The following RSPH14 variants were observed in gnomAD, a reference collection of about 807,000 sequenced individuals.
The protein encoded by RSPH14 is radial spoke head 14 homolog.
In RSPH14, 20 loss-of-function variants were observed where a neutral mutation model predicts 26.7. That is an observed-to-expected ratio of 0.75 (90% CI 0.53 to 1.09). RSPH14 has a LOEUF of 1.09. Ranked by LOEUF, RSPH14 falls within the 50% of genes least tolerant of loss-of-function variation. RSPH14 has a pLI of 0.00. For synonymous variants in RSPH14, 177 were observed against 189.3 expected (o/e 0.93, Z 0.53); for missense variants, 449 against 457.2 (o/e 0.98, Z 0.16).
intron 3 of RSPH14, chr22:23,137,675 T>G (rs1368073024): frequency 3.7e-6 from 2 of 545,938 alleles, no homozygotes; most frequent in African/African-American, 1.9e-5. Flanking sequence ...CTTTCTTGTC[T>G]TTTCTTCCTT....
At chr22:23,121,600 C>T (rs1482867280) in intron 4 of RSPH14, among the ~76,000 whole-genome samples, 3 of 152,166 alleles carry the variant, frequency 2.0e-5, no homozygotes, top group East Asian at 1.9e-4. Context: ...TGGTTACCAG[C>T]GTCATTGTCA....
At chr22:23,140,663 C>T (rs1352867643) in intron 1 of RSPH14, among the ~76,000 whole-genome samples, 191 bp from the exon 2 acceptor site, 8 of 152,228 alleles carry the variant, frequency 5.3e-5, no homozygotes. Flanking sequence ...GCAGCCCAAA[C>T]TGCAAACTCC....
At chr22:23,130,128 AAAGAAAG>A (rs1472642570) in intron 4 of RSPH14, among the ~76,000 whole-genome samples, 2 of 113,644 alleles carry the variant, frequency 1.8e-5, no homozygotes, top group Admixed American at 9.8e-5. Flanking sequence ...AGAAAGAAAG[AAAGAAAG>A]AAAGAAAGAA....
chr22:23,079,511 C>A (rs2068613219), intron 4 of RSPH14, among the ~76,000 whole-genome samples: 1 of 152,160 alleles, frequency 6.6e-6, no homozygotes, highest in Non-Finnish European at 1.5e-5. Context: ...ATTGCACAGC[C>A]CTGGTGCCCT....
In RSPH14 at chr22:23,067,205, T is replaced by G. The variant is rs11704126; in HGVS notation, c.422-3072A>C. Reference sequence around the variant, plus strand: ...ATGGTGTGGAGCCCCAGTGGTGGAGTCTGGGTCATTTTCTTTGTGGTGGGG... The same window carrying G: ...ATGGTGTGGAGCCCCAGTGGTGGAGGCTGGGTCATTTTCTTTGTGGTGGGG... On this transcript the variant is annotated intron_variant, in intron 4 of 6. Coordinates refer to ENST00000216036, the MANE Select transcript of RSPH14 (RefSeq NM_014433.3). 4.1e-3 allele frequency among the ~76,000 whole-genome samples: 615 copies of G among 151,794 alleles called. 6 individuals carry two copies. Among genetic ancestry groups the G allele is most frequent in the South Asian group, 0.039 (188 of 4,794 alleles).
the RSPH14 span, among the ~76,000 whole-genome samples, chr22:23,178,993 G>A: frequency 6.6e-6 from 1 of 152,174 alleles, no homozygotes; most frequent in African/African-American, 2.4e-5. Flanking sequence ...GGAAAAGGAA[G>A]CAGGATTGGG....
intron 4 of RSPH14, among the ~76,000 whole-genome samples, chr22:23,067,774 T>C (rs879408663): frequency 3.0e-4 from 45 of 152,210 alleles, no homozygotes; most frequent in Non-Finnish European, 5.0e-4. Context: ...CTCATCTCCC[T>C]GGGTCCTGAT....
At position 23,127,785 on chromosome 22, in the gene RSPH14, C is replaced by G. The variant is rs534017120; in HGVS notation, c.421+6241G>C. On this transcript the variant is annotated intron_variant, in intron 4 of 6. Coordinates refer to ENST00000216036, the MANE Select transcript of RSPH14 (RefSeq NM_014433.3). Reference sequence around the variant, plus strand: ...ATGACTCCAGGGATGTCCCCTGAACCCCCAAATGACTTGGATCAAACTGCA... The same window carrying G: ...ATGACTCCAGGGATGTCCCCTGAACGCCCAAATGACTTGGATCAAACTGCA... Among the ~76,000 whole-genome samples the G allele has an allele frequency of 2.6e-5, 4 of 152,298 alleles. No homozygotes were observed. The South Asian group carries it at 8.3e-4, about 32-fold the overall frequency.
chr22:23,098,159 C>T (rs1328608937), intron 4 of RSPH14, among the ~76,000 whole-genome samples: 3 of 152,370 alleles, frequency 2.0e-5, no homozygotes, highest in Non-Finnish European at 4.4e-5. Flanking sequence ...ACCTTGCTGC[C>T]TCTCTCTCCT....
intron 4 of RSPH14, among the ~76,000 whole-genome samples, chr22:23,120,635 A>T (rs2069990896): frequency 6.6e-6 from 1 of 152,126 alleles, no homozygotes; most frequent in South Asian, 2.1e-4. Context: ...AGGCAGACCC[A>T]GGCCTAGCAC....
At chr22:23,172,895 A>G in the RSPH14 span, among the ~76,000 whole-genome samples, 1 of 151,572 alleles carries the variant, frequency 6.6e-6, no homozygotes, top group African/African-American at 2.4e-5. Context: ...ACTTGCAGTG[A>G]GCCGAGATCG....
chr22:23,166,363 G>A, the RSPH14 span, among the ~76,000 whole-genome samples: 1 of 147,392 alleles, frequency 6.8e-6, no homozygotes, highest in African/African-American at 2.5e-5. Context: ...CCAATATGGG[G>A]GGGTGGGGTG....
At chr22:23,104,117 G>A (rs559418023) in intron 4 of RSPH14, among the ~76,000 whole-genome samples, 10 of 152,142 alleles carry the variant, frequency 6.6e-5, no homozygotes, top group Admixed American at 6.5e-4. Flanking sequence ...TGGGGGAGCA[G>A]TGGGGACAGT....
At chr22:23,104,675 C>A (rs2069407930) in intron 4 of RSPH14, among the ~76,000 whole-genome samples, 1 of 152,162 alleles carries the variant, frequency 6.6e-6, no homozygotes, top group Non-Finnish European at 1.5e-5. Flanking sequence ...GTGCTGGGGG[C>A]CTTGCTGACT....
intron 4 of RSPH14, among the ~76,000 whole-genome samples, chr22:23,082,208 T>C (rs1182080489): frequency 2.0e-5 from 3 of 151,904 alleles, no homozygotes; most frequent in Admixed American, 2.0e-4. Context: ...TTCGTTGTGT[T>C]TTTTTGTTTT....
chr22:23,139,389 G>A (rs1281751691), intron 2 of RSPH14, among the ~76,000 whole-genome samples: 1 of 152,246 alleles, frequency 6.6e-6, no homozygotes, highest in African/African-American at 2.4e-5. Context: ...GGGAGGCCAA[G>A]GCAAGCGGAT....
chr22:23,162,498 A>G, the RSPH14 span: 1 of 395,576 alleles, frequency 2.5e-6, no homozygotes. Flanking sequence ...AATGGTGTCC[A>G]TGCACCTTTA....
At chr22:23,166,134 A>G in the RSPH14 span, among the ~76,000 whole-genome samples, 2 of 112,760 alleles carry the variant, frequency 1.8e-5, no homozygotes, top group African/African-American at 3.6e-5. Context: ...TGACGGAGTG[A>G]GACTCTGTCT....
At chr22:23,155,959 A>G in the RSPH14 span, 1 of 1,607,146 alleles carries the variant, frequency 6.2e-7, no homozygotes, top group Non-Finnish European at 8.5e-7. Context: ...TTTCTCACCC[A>G]CCTCACAGCT....
Sources: allele counts gnomAD v4.1 joint callset (sites outside exome capture counted in the v4.1 genomes callset), GRCh38; gene constraint gnomAD v4.1.1; transcripts MANE v1.5; gene names NCBI Gene and HGNC (gene_info 2026-07-23, HGNC 2026-07-21).